The following CCDC134 variants were observed in gnomAD, a reference collection of about 807,000 sequenced individuals.
CCDC134 encodes the protein coiled-coil domain-containing protein 134.
A neutral mutation model predicts 25.6 loss-of-function variants in CCDC134; 27 were observed. That is an observed-to-expected ratio of 1.05 (90% CI 0.78 to 1.45). The LOEUF (loss-of-function observed/expected upper bound fraction) is 1.45. CCDC134 is among the 40% of genes most tolerant of loss of function. CCDC134 has a pLI of 0.00. For synonymous variants in CCDC134, 110 were observed against 115.0 expected (o/e 0.96, Z 0.28); for missense variants, 261 against 286.7 (o/e 0.91, Z 0.65).
intron 1 of CCDC134, among the ~76,000 whole-genome samples, chr22:41,806,945 G>T (rs1024480727): frequency 6.6e-6 from 1 of 152,136 alleles, no homozygotes; most frequent in Non-Finnish European, 1.5e-5. Flanking sequence ...TACTCGGGAG[G>T]CTGAGGCAGG....
rs1203299021 is a variant in CCDC134 at position 41,829,013 on chromosome 22, GT to G, written c.*3191del. ...ACGTTTGGGGCTAGGTAATCGTTGGGTGTGTGAGTGTGAAGAGGGCTGTCCT... is the reference window on the plus strand; with the variant it reads ...ACGTTTGGGGCTAGGTAATCGTTGGGGTGTGAGTGTGAAGAGGGCTGTCCT... On this transcript the variant is annotated 3_prime_UTR_variant, in exon 7 of 7. Transcript: ENST00000255784. Among the ~76,000 whole-genome samples the G allele has an allele frequency of 6.6e-6, 1 of 152,200 alleles. No individual in the cohort carries two copies. The highest frequency in any genetic ancestry group is 1.9e-4 in the East Asian group (1 of 5,198).
chr22:41,816,698 C>G lies in CCDC134; in HGVS notation c.564+2876C>G, dbSNP rs1204591900. ...CCTTGGGAGACCGAGGTGGGCGGAT[C>G]ATGAGGTCAGGAAAATCAAGACTAT... On this transcript the variant is annotated intron_variant, in intron 6 of 6. Transcript: ENST00000255784. Among the ~76,000 whole-genome samples, 4 of 152,262 alleles carry G rather than the reference C, an allele frequency of 2.6e-5. No homozygotes were observed. In the East Asian group the frequency reaches 7.7e-4, roughly 29 times the overall value.
rs985780042 is a variant in CCDC134, at chr22:41,829,569, G to C, written c.*3746G>C. Among the ~76,000 whole-genome samples, 1 of 152,162 alleles carries C rather than the reference G, an allele frequency of 6.6e-6. No individual in the cohort carries two copies. Among genetic ancestry groups the C allele is most frequent in the African/African-American group, 2.4e-5 (1 of 41,456 alleles). On this transcript the variant is annotated 3_prime_UTR_variant, in exon 7 of 7. Transcript: ENST00000255784. ...CCAATTGGAAGGCTTCCTAGAGGAA[G>C]TAATATCTGAACTGAATCCTGAAAG...
chr22:41,815,208 T>TC (rs1433217838), intron 6 of CCDC134, among the ~76,000 whole-genome samples: 37 of 146,428 alleles, frequency 2.5e-4, no homozygotes, highest in East Asian at 9.7e-4. Flanking sequence ...TCTTTTCTTT[T>TC]TTTTTTTTTT....
Position 41,825,292 on chromosome 22 carries a change from C to G in CCDC134, c.565-406C>G, listed in dbSNP as rs894900434. On this transcript the variant is annotated intron_variant, in intron 6 of 6. Coordinates refer to ENST00000255784, the MANE Select transcript of CCDC134 (RefSeq NM_024821.5). This position sits in a 1 kb window ranked among gnomAD's most constrained non-coding sequence, Gnocchi z 4.4. ...CAATGAAGTCCTCATCCTCCACCCC[C>G]CCACTTGCCTTGTCATCTGTGACTC... is the stretch of plus-strand genomic sequence containing the variant. Among the ~76,000 whole-genome samples the G allele has an allele frequency of 6.6e-6, 1 of 151,912 alleles. No homozygotes were observed. The highest frequency in any genetic ancestry group is 1.5e-5 in the Non-Finnish European group (1 of 67,948).
rs1386578833 is a variant in CCDC134, at chr22:41,812,520, G to C, written c.311-744G>C. Among the ~76,000 whole-genome samples, 11 of 151,714 alleles carry C rather than the reference G, an allele frequency of 7.3e-5. No individual in the cohort carries two copies. The South Asian group carries it at 2.3e-3, about 32-fold the overall frequency. On this transcript the variant is annotated intron_variant, in intron 4 of 6. Transcript: ENST00000255784. ...GTTAAGTCCAAGATAATTTCAGGCC[G>C]AGTGCAGTGGCTCATGCCTATAATC...
At chr22:41,806,799 G>C (rs2076569613) in intron 1 of CCDC134, among the ~76,000 whole-genome samples, 2 of 152,146 alleles carry the variant, frequency 1.3e-5, no homozygotes, top group South Asian at 4.2e-4. Flanking sequence ...TGTAATCCCA[G>C]CACTTTGGGA....
At chr22:41,807,257 T>C (rs2076572314) in intron 1 of CCDC134, among the ~76,000 whole-genome samples, 1 of 152,022 alleles carries the variant, frequency 6.6e-6, no homozygotes, top group Admixed American at 6.6e-5. Flanking sequence ...ACAGCAGAGT[T>C]AGAACCAGAG....
chr22:41,815,089 G>A (rs2076616065), intron 6 of CCDC134, among the ~76,000 whole-genome samples: 1 of 151,928 alleles, frequency 6.6e-6, no homozygotes, highest in South Asian at 2.1e-4. Context: ...TATCTTTGGT[G>A]TGCCCTGCAA....
At chr22:41,822,567 C>T (rs1457600198) in intron 6 of CCDC134, among the ~76,000 whole-genome samples, 1 of 152,150 alleles carries the variant, frequency 6.6e-6, no homozygotes, top group Non-Finnish European at 1.5e-5. Flanking sequence ...ACTGCCAGGC[C>T]TAGGTGGGGA....
chr22:41,820,496 G>A (rs1242817371), intron 6 of CCDC134, among the ~76,000 whole-genome samples: 3 of 152,086 alleles, frequency 2.0e-5, no homozygotes, highest in South Asian at 2.1e-4. Flanking sequence ...GAGCATGGTC[G>A]GGGACCAGAA....
intron 3 of CCDC134, 53 bp from the exon 4 acceptor site, chr22:41,810,154 G>A (rs1297553843): frequency 1.3e-6 from 2 of 1,598,122 alleles, no homozygotes; most frequent in African/African-American, 1.3e-5. Context: ...GGGGATGGGA[G>A]CAGTCTGTGA....
At chr22:41,820,096 C>A (rs1283811591) in intron 6 of CCDC134, among the ~76,000 whole-genome samples, 2 of 147,006 alleles carry the variant, frequency 1.4e-5, no homozygotes. Flanking sequence ...CCCAGGTTCA[C>A]GCCATTCTCC....
rs982166580 is a variant in CCDC134 at position 41,832,056 on chromosome 22, C to G, written c.*6233C>G. 6 of 152,214 alleles carry G rather than the reference C, an allele frequency of 3.9e-5. No homozygotes were observed. The highest frequency in any genetic ancestry group is 8.8e-5 in the Non-Finnish European group (6 of 68,036). 9.4% of individuals were successfully genotyped at this position (152,214 alleles called of 1,614,324 possible). On this transcript the variant is annotated 3_prime_UTR_variant, in exon 7 of 7. Coordinates refer to ENST00000255784, the MANE Select transcript of CCDC134 (RefSeq NM_024821.5). The stretch of plus-strand genomic sequence containing the variant: ...CCTGTGTGTTCTTAATTATTGATCA[C>G]TAAGCAACAGCTGCCTCTCACAAAC...
chr22:41,811,680 T>C (rs1327083711), intron 4 of CCDC134, among the ~76,000 whole-genome samples: 2 of 152,158 alleles, frequency 1.3e-5, no homozygotes, highest in Non-Finnish European at 2.9e-5. Context: ...CTACCCGCCA[T>C]GTGGACTCCC....
intron 1 of CCDC134, among the ~76,000 whole-genome samples, chr22:41,803,313 G>A (rs1288518441): frequency 2.6e-5 from 4 of 152,132 alleles, no homozygotes; most frequent in Non-Finnish European, 4.4e-5. Context: ...GGGAGGTTTG[G>A]AAGGAGTGGC....
At chr22:41,823,998 C>T (rs1486929515) in intron 6 of CCDC134, among the ~76,000 whole-genome samples, 2 of 152,222 alleles carry the variant, frequency 1.3e-5, no homozygotes, top group African/African-American at 2.4e-5. Flanking sequence ...TCTAACGTGG[C>T]TTGCTCATTC....
Position 41,828,246 on chromosome 22 carries a change from C to G in CCDC134, c.*2423C>G, listed in dbSNP as rs965589479. ...GCCAGCTGTTGTTATCAGAACCAGG[C>G]TCTTCACACTCAGATCCTTGGGCCC... On this transcript the variant is annotated 3_prime_UTR_variant, in exon 7 of 7. Coordinates refer to ENST00000255784, the MANE Select transcript of CCDC134 (RefSeq NM_024821.5). 6.6e-6 allele frequency among the ~76,000 whole-genome samples: 1 copy of G among 152,178 alleles called. No homozygotes were observed. Among genetic ancestry groups the G allele is most frequent in the Admixed American group, 6.5e-5 (1 of 15,272 alleles).
In CCDC134 at chr22:41,808,919, T is replaced by C; in HGVS notation, c.29T>C (p.Leu10Pro). 6.2e-7 allele frequency: 1 copy of C among 1,614,226 alleles called. No homozygotes were observed. The highest frequency in any genetic ancestry group is 8.5e-7 in the Non-Finnish European group (1 of 1,180,034). The part of the protein sequence containing the change: MDLLQFLAF[L>P]FVLLLSGMGA... ...GACCTTCTTCAATTCCTGGCCTTCC[T>C]CTTTGTCCTGCTTTTGTCTGGGATG... is the stretch of plus-strand genomic sequence containing the variant. Residue 10 changes from leucine to proline, a missense_variant, in exon 2 of 7, where the codon CTC becomes CCC. Physicochemically the swap from Leu to Pro is moderately conservative, Grantham distance 98. Transcript: ENST00000255784.
Sources: allele counts gnomAD v4.1 joint callset (sites outside exome capture counted in the v4.1 genomes callset), GRCh38; gene constraint gnomAD v4.1.1; non-coding constraint Gnocchi (gnomAD v3.1); transcripts MANE v1.5; gene names NCBI Gene and HGNC (gene_info 2026-07-23, HGNC 2026-07-21).